TBL1XR1: variants seen among roughly 807,000 people sequenced by gnomAD.
The protein encoded by TBL1XR1 is TBL1X/Y related 1.
In TBL1XR1, 5 loss-of-function variants were observed where a neutral mutation model predicts 66.9. The observed-to-expected ratio is 0.07, with a 90% confidence interval of 0.04 to 0.16. The LOEUF is 0.16. TBL1XR1 is among the 10% of genes least tolerant of loss of function. The probability of loss-of-function intolerance (pLI) is 1.00; values close to 1 mark genes in which losing one functional copy is unlikely to be tolerated. For missense variants in TBL1XR1, 238 were observed against 623.2 expected, an observed-to-expected ratio of 0.38 and a Z score of 6.58; for synonymous variants, 210 against 206.0, an observed-to-expected ratio of 1.02 and a Z score of -0.17.
chr3:177,028,232 TACA>T (rs141468987), intron 14 of TBL1XR1, among the ~76,000 whole-genome samples: 2,143 of 152,294 alleles, frequency 0.014, 61 homozygotes, highest in East Asian at 0.058. Flanking sequence ...TGGATGTATA[TACA>T]ACAATAGGAT....
chr3:177,163,600 C>A (rs1396222922), intron 1 of TBL1XR1, among the ~76,000 whole-genome samples: 1 of 151,582 alleles, frequency 6.6e-6, no homozygotes, highest in African/African-American at 2.4e-5. Context: ...GTGACTAGTA[C>A]CCTAATATTT....
rs1735586030 is a variant in TBL1XR1 at position 177,187,640 on chromosome 3, T to C, written c.-122+9481A>G. On this transcript the variant is annotated intron_variant, in intron 1 of 15. Coordinates refer to ENST00000457928, the MANE Select transcript of TBL1XR1 (RefSeq NM_024665.7). The stretch of plus-strand genomic sequence containing the variant: ...CTACCCCATTCAAGCAGATGCAAAC[T>C]AAGAACAAAAAACAAAAGCATCCAC... 2.6e-5 allele frequency among the ~76,000 whole-genome samples: 4 copies of C among 152,028 alleles called. No individual in the cohort carries two copies. The South Asian group carries it at 8.3e-4, about 31-fold the overall frequency.
At chr3:177,111,117 C>G (rs1725501139) in intron 1 of TBL1XR1, among the ~76,000 whole-genome samples, 1 of 151,984 alleles carries the variant, frequency 6.6e-6, no homozygotes, top group East Asian at 1.9e-4. Flanking sequence ...GACATGCAAT[C>G]CAGGAGCTAT....
At chr3:177,169,549 G>A (rs1244726070) in intron 1 of TBL1XR1, among the ~76,000 whole-genome samples, 1 of 152,144 alleles carries the variant, frequency 6.6e-6, no homozygotes, top group African/African-American at 2.4e-5. Flanking sequence ...TGCACTACAT[G>A]TATATTCAGG....
intron 1 of TBL1XR1, among the ~76,000 whole-genome samples, chr3:177,146,528 T>G (rs4629343): frequency 0.23 from 32,534 of 139,492 alleles, 4,114 homozygotes; most frequent in East Asian, 0.51. Context: ...AGGCGGAGGT[T>G]GTGGTAAGCC....
chr3:177,021,449 A>ATCAAT lies in TBL1XR1; in HGVS notation c.*4044_*4048dup, dbSNP rs1400153662. The ATCAAT allele has an allele frequency of 6.6e-6, 1 of 152,564 alleles. No individual in the cohort carries two copies. The highest frequency in any genetic ancestry group is 1.5e-5 in the Non-Finnish European group (1 of 67,968). The allele number at this position is 152,564 out of a possible 1,614,324, so 9.5% of individuals were successfully genotyped here. On this transcript the variant is annotated 3_prime_UTR_variant, in exon 16 of 16. Coordinates refer to ENST00000457928, the MANE Select transcript of TBL1XR1 (RefSeq NM_024665.7). Reference sequence around the variant, plus strand: ...CGTAAAGGCAGAAATAAAGCAAGCTATCAATACCTCAGAACTACTGATATA... The same window carrying ATCAAT: ...CGTAAAGGCAGAAATAAAGCAAGCTATCAATTCAATACCTCAGAACTACTGATATA...
At position 177,051,582 on chromosome 3, in the gene TBL1XR1, C is replaced by T. The variant is rs964199315; in HGVS notation, c.349G>A (p.Ala117Thr). ...QAAAAAAAAA[A>T]ASQQGSAKNG... ...TTTGCAGATCCTTGTTGGCTGGCTG[C>T]AGCTGCGGCAGCTGCAGCAGCTGCT... is the stretch of plus-strand genomic sequence containing the variant. Residue 117 changes from alanine to threonine, a missense_variant, in exon 5 of 16, where the codon GCA (alanine) becomes ACA (threonine). Transcript: ENST00000457928. The T allele has an allele frequency of 6.2e-7, 1 of 1,613,514 alleles. No individual in the cohort carries two copies. Among genetic ancestry groups the T allele is most frequent in the South Asian group, 1.1e-5 (1 of 91,064 alleles).
chr3:177,140,551 A>G (rs1300212031), intron 1 of TBL1XR1, among the ~76,000 whole-genome samples: 1 of 152,190 alleles, frequency 6.6e-6, no homozygotes, highest in African/African-American at 2.4e-5. Context: ...TTTTACTTAT[A>G]TGAAAAAACT....
At chr3:177,067,140 C>T (rs913285135) in intron 2 of TBL1XR1, among the ~76,000 whole-genome samples, 5 of 152,118 alleles carry the variant, frequency 3.3e-5, no homozygotes, top group African/African-American at 1.2e-4. Context: ...CAGGCACAGT[C>T]AATTCTGAAG....
At chr3:177,124,251 T>A (rs540269006) in intron 1 of TBL1XR1, among the ~76,000 whole-genome samples, 2 of 152,022 alleles carry the variant, frequency 1.3e-5, no homozygotes, top group Non-Finnish European at 2.9e-5. Context: ...GAAGGATGGA[T>A]CCCAAGCAGA....
At chr3:177,198,485 A>G (rs1184712738), upstream of TBL1XR1, among the ~76,000 whole-genome samples, 3 of 152,230 alleles carry the variant, frequency 2.0e-5, no homozygotes, top group Non-Finnish European at 2.9e-5. Flanking sequence ...GGCGGTTTAT[A>G]AAGTATAACT....
In TBL1XR1 at chr3:177,165,254, G is replaced by A. The variant is rs1229878095; in HGVS notation, c.-122+31867C>T. 2.0e-5 allele frequency among the ~76,000 whole-genome samples: 3 copies of A among 152,132 alleles called. 1 individual carries two copies. Among genetic ancestry groups the A allele is most frequent in the Non-Finnish European group, 4.4e-5 (3 of 68,014 alleles). On this transcript the variant is annotated intron_variant, in intron 1 of 15. Transcript: ENST00000457928. Reference sequence around the variant, plus strand: ...AAAGTCAATCGCTTCCCAATTTGAAGTGAAAAACACAAAACCATTTATATT... The same window carrying A: ...AAAGTCAATCGCTTCCCAATTTGAAATGAAAAACACAAAACCATTTATATT...
At chr3:177,192,410 AAAAAG>A (rs1346000591) in intron 1 of TBL1XR1, among the ~76,000 whole-genome samples, 1 of 151,778 alleles carries the variant, frequency 6.6e-6, no homozygotes, top group African/African-American at 2.4e-5. Context: ...AAAAAAAAAA[AAAAAG>A]AAAGAAAGTA....
rs1712684362 is a variant in TBL1XR1, at chr3:177,023,655, C to G, written c.*1843G>C. 1 of 152,364 alleles carries G rather than the reference C, an allele frequency of 6.6e-6. No individual in the cohort carries two copies. The highest frequency in any genetic ancestry group is 2.4e-5 in the African/African-American group (1 of 41,382). The allele number at this position is 152,364 out of a possible 1,614,324, so 9.4% of individuals were successfully genotyped here. On this transcript the variant is annotated 3_prime_UTR_variant, in exon 16 of 16. Coordinates refer to ENST00000457928, the MANE Select transcript of TBL1XR1 (RefSeq NM_024665.7). Reference sequence around the variant, plus strand: ...TCTCTTTACCAATAGCAAATGCTACCCTACCTTAGTAAAACCAAGACTTGC... The same window carrying G: ...TCTCTTTACCAATAGCAAATGCTACGCTACCTTAGTAAAACCAAGACTTGC...
At chr3:177,047,862 AGGTAGAGT>A (rs1315221433) in intron 7 of TBL1XR1, 1 of 297,026 alleles carries the variant, frequency 3.4e-6, no homozygotes, top group African/African-American at 2.1e-5. Flanking sequence ...CTAAGAATGA[AGGTAGAGT>A]GGTGGACTGG....
At chr3:177,040,322 A>T (rs992745391) in intron 10 of TBL1XR1, among the ~76,000 whole-genome samples, 6 of 152,196 alleles carry the variant, frequency 3.9e-5, no homozygotes, top group African/African-American at 7.2e-5. Flanking sequence ...TGTCTCAAAA[A>T]ACAAAAACAA....
intron 2 of TBL1XR1, chr3:177,087,162 G>A (rs1272720031): frequency 6.7e-6 from 1 of 149,500 alleles, no homozygotes; most frequent in Non-Finnish European, 1.5e-5. Flanking sequence ...CCACACCTGT[G>A]TTGTTCAAGG....
At chr3:177,135,842 T>TC (rs1202803814) in intron 1 of TBL1XR1, among the ~76,000 whole-genome samples, 1 of 151,938 alleles carries the variant, frequency 6.6e-6, no homozygotes, top group Admixed American at 6.5e-5. Context: ...AGGCTGTTTT[T>TC]TTTTTAAACC....
chr3:177,061,223 C>T (rs142516736), intron 3 of TBL1XR1, among the ~76,000 whole-genome samples: 2 of 152,236 alleles, frequency 1.3e-5, no homozygotes, highest in African/African-American at 2.4e-5. Context: ...ATCCCTTCTC[C>T]ACAGCAACGT....
Sources: gnomAD v4.1 joint callset for allele counts (sites outside exome capture counted in the v4.1 genomes callset) on GRCh38, gnomAD v4.1.1 for gene constraint, MANE v1.5 for transcripts, NCBI Gene and HGNC (gene_info 2026-07-23, HGNC 2026-07-21) for gene names.